The following NIPBL variants were observed in gnomAD, a reference collection of about 807,000 sequenced individuals.
NIPBL encodes the protein NIPBL cohesin loading factor.
NIPBL carries 19 observed loss-of-function variants against 321.8 expected under a neutral mutation model. The ratio of observed to expected loss-of-function variants is 0.06; its 90% CI spans 0.04 to 0.09. The LOEUF (loss-of-function observed/expected upper bound fraction) is 0.09. Ranked by LOEUF, NIPBL falls within the 10% of genes least tolerant of loss-of-function variation. The pLI, the probability that NIPBL is intolerant of heterozygous loss-of-function variation, is 1.00. For synonymous variants in NIPBL, 1,106 were observed against 1,114.1 expected, an observed-to-expected ratio of 0.99 and a Z score of 0.14; for missense variants, 2,210 against 3,327.0, an observed-to-expected ratio of 0.66 and a Z score of 8.26.
At chr5:36,924,653 AAATT>A (rs1749212906) in intron 1 of NIPBL, among the ~76,000 whole-genome samples, 1 of 152,236 alleles carries the variant, frequency 6.6e-6, no homozygotes, top group South Asian at 2.1e-4. Flanking sequence ...ATTGCCATGA[AAATT>A]AAATGATGAT....
chr5:36,979,104 GTT>G (rs1349957797), intron 9 of NIPBL, among the ~76,000 whole-genome samples: 1 of 151,782 alleles, frequency 6.6e-6, no homozygotes, highest in Non-Finnish European at 1.5e-5. Context: ...TTTTAGGATA[GTT>G]TTTCCAGTTC....
chr5:37,026,441 G>C, intron 31 of NIPBL, 114 bp downstream of exon 31: 1 of 718,168 alleles, frequency 1.4e-6, no homozygotes, highest in Non-Finnish European at 2.6e-6. Flanking sequence ...TTGACATTTC[G>C]TACTGCTGCC....
At chr5:36,896,905 T>TTTGTAGATTTAAATGTACAAATA (rs1746788793) in intron 1 of NIPBL, among the ~76,000 whole-genome samples, 1 of 152,022 alleles carries the variant, frequency 6.6e-6, no homozygotes, top group African/African-American at 2.4e-5. Context: ...TGGCCAGTGT[T>TTTGTAGATTTAAATGTACAAATA]TTGTAGATTT....
At chr5:36,881,296 AT>A (rs70976262) in intron 1 of NIPBL, among the ~76,000 whole-genome samples, 162 of 146,528 alleles carry the variant, frequency 1.1e-3, no homozygotes, top group Non-Finnish European at 9.4e-4. Context: ...CTTGTGTGTA[AT>A]TTTTTTTTTT....
intron 2 of NIPBL, 63 bp downstream of exon 2, chr5:36,953,823 A>G: frequency 2.2e-6 from 3 of 1,350,806 alleles, no homozygotes; most frequent in Non-Finnish European, 3.2e-6. Context: ...TTTTACAGTG[A>G]CTGTTCTAAA....
chr5:36,902,448 A>G (rs1214110137), intron 1 of NIPBL, among the ~76,000 whole-genome samples: 1 of 152,180 alleles, frequency 6.6e-6, no homozygotes, highest in Non-Finnish European at 1.5e-5. Context: ...GGTGAAAGGA[A>G]GAGGTCCAGT....
At chr5:37,003,677 T>C (rs546010436) in intron 16 of NIPBL, among the ~76,000 whole-genome samples, 24 of 148,002 alleles carry the variant, frequency 1.6e-4, no homozygotes, top group African/African-American at 4.7e-4. Context: ...CTAATGTGAA[T>C]TTTTTCACAA....
At chr5:37,005,307 C>CAATCTA (rs1747301139) in intron 16 of NIPBL, among the ~76,000 whole-genome samples, 1 of 152,152 alleles carries the variant, frequency 6.6e-6, no homozygotes, top group East Asian at 1.9e-4. Context: ...CTTAGAGAAA[C>CAATCTA]CTAAAGTAAC....
intron 5 of NIPBL, among the ~76,000 whole-genome samples, chr5:36,961,915 T>G (rs1741669678): frequency 6.6e-6 from 1 of 152,186 alleles, no homozygotes; most frequent in Admixed American, 6.5e-5. Flanking sequence ...AAATTACCTG[T>G]TTTTAAAAAC....
At chr5:36,917,930 TGTA>T (rs1335486397) in intron 1 of NIPBL, among the ~76,000 whole-genome samples, 1 of 152,174 alleles carries the variant, frequency 6.6e-6, no homozygotes, top group Non-Finnish European at 1.5e-5. Flanking sequence ...ACTGTAGCCT[TGTA>T]GTATAGTTTG....
At chr5:36,960,365 G>GA (rs1741474809) in intron 4 of NIPBL, among the ~76,000 whole-genome samples, 1 of 125,052 alleles carries the variant, frequency 8.0e-6, no homozygotes, top group Admixed American at 7.9e-5. Flanking sequence ...CCCTCCAAAA[G>GA]AAAAAGAAAA....
chr5:36,962,076 GTTTAT>G (rs1312001083), intron 5 of NIPBL, 42 bp from the exon 6 acceptor site: 1 of 1,604,768 alleles, frequency 6.2e-7, no homozygotes, highest in South Asian at 1.1e-5. Context: ...GGAATAGCGT[GTTTAT>G]TTTATTTCCT....
intron 1 of NIPBL, among the ~76,000 whole-genome samples, chr5:36,922,496 T>C (rs1749024013): frequency 6.6e-6 from 1 of 152,122 alleles, no homozygotes. Flanking sequence ...CTTTTGGCCA[T>C]TGTCGAGTAT....
intron 11 of NIPBL, among the ~76,000 whole-genome samples, chr5:36,997,985 G>A (rs1173113676): frequency 6.6e-6 from 1 of 152,124 alleles, no homozygotes; most frequent in Non-Finnish European, 1.5e-5. Context: ...AATGTTGAAG[G>A]ATAATTTTGA....
chr5:36,893,490 A>ATT (rs546449629), intron 1 of NIPBL, among the ~76,000 whole-genome samples: 1 of 147,918 alleles, frequency 6.8e-6, no homozygotes, highest in Non-Finnish European at 1.5e-5. Context: ...TCACCTAGGG[A>ATT]TTTTTTTTTT....
At chr5:36,959,244 A>T (rs890969061) in intron 4 of NIPBL, among the ~76,000 whole-genome samples, 2 of 152,060 alleles carry the variant, frequency 1.3e-5, no homozygotes, top group African/African-American at 4.8e-5. Context: ...AATTTTGCCA[A>T]ATTCATTTTG....
At chr5:37,011,896 T>G (rs1251629692) in intron 21 of NIPBL, among the ~76,000 whole-genome samples, 2 of 152,154 alleles carry the variant, frequency 1.3e-5, no homozygotes, top group East Asian at 3.9e-4. Context: ...GTAGATACAC[T>G]TAGAAGTAAA....
At chr5:36,881,921 T>C (rs1341887761) in intron 1 of NIPBL, among the ~76,000 whole-genome samples, 2 of 152,010 alleles carry the variant, frequency 1.3e-5, no homozygotes, top group African/African-American at 4.8e-5. Context: ...CATCTGTTGT[T>C]AGAAAGACAA....
intron 1 of NIPBL, among the ~76,000 whole-genome samples, chr5:36,937,264 CT>C (rs1738534912): frequency 6.6e-6 from 1 of 152,072 alleles, no homozygotes; most frequent in Admixed American, 6.6e-5. Flanking sequence ...ATAAAATCAC[CT>C]TCTCATTTAT....
Sources: gnomAD v4.1 joint callset for allele counts (sites outside exome capture counted in the v4.1 genomes callset) on GRCh38, gnomAD v4.1.1 for gene constraint, MANE v1.5 for transcripts, NCBI Gene and HGNC (gene_info 2026-07-23, HGNC 2026-07-21) for gene names.